The following RPH3A variants were observed in gnomAD, a reference collection of about 807,000 sequenced individuals.
RPH3A encodes rabphilin 3A.
A neutral mutation model predicts 102.2 loss-of-function variants in RPH3A; 48 were observed. The observed-to-expected ratio is 0.47, with a 90% confidence interval of 0.37 to 0.60. The LOEUF is 0.60. Among genes scored for constraint, RPH3A ranks in the 20% least tolerant of loss-of-function variants. RPH3A has a pLI of 0.00. For missense variants in RPH3A, 781 were observed against 910.1 expected (o/e 0.86, Z 1.83); for synonymous variants, 310 against 324.3 (o/e 0.96, Z 0.47).
chr12:112,682,879 A>C (rs900157888), intron 1 of RPH3A, among the ~76,000 whole-genome samples: 14 of 152,196 alleles, frequency 9.2e-5, no homozygotes, highest in African/African-American at 4.8e-5. Context: ...CACCTGCTTG[A>C]AATGCTGGTC....
At chr12:112,866,924 A>G (rs1362728720) in intron 7 of RPH3A, 84 bp downstream of exon 7, 5 of 990,200 alleles carry the variant, frequency 5.0e-6, no homozygotes, top group African/African-American at 3.2e-5. Context: ...TTTGTATGAA[A>G]GGACCCAGCT....
chr12:112,889,968 G>A (rs751724525), intron 17 of RPH3A, 56 bp from the exon 18 acceptor site: 45 of 1,526,654 alleles, frequency 2.9e-5, no homozygotes, highest in Non-Finnish European at 3.6e-5. Context: ...TCCTTCTTGC[G>A]CAGGAAGATG....
intron 1 of RPH3A, among the ~76,000 whole-genome samples, chr12:112,770,135 T>A (rs931840916): frequency 1.3e-5 from 2 of 152,222 alleles, no homozygotes; most frequent in Non-Finnish European, 2.9e-5. Context: ...AGATGTATCA[T>A]GACTTATTTA....
At chr12:112,659,371 T>G (rs959553879) in intron 1 of RPH3A, among the ~76,000 whole-genome samples, 9 of 152,218 alleles carry the variant, frequency 5.9e-5, no homozygotes, top group African/African-American at 2.2e-4. Flanking sequence ...ACCTTGACAC[T>G]TTTGAAGATT....
intron 1 of RPH3A, among the ~76,000 whole-genome samples, chr12:112,766,283 A>G (rs925458883): frequency 6.6e-5 from 10 of 152,210 alleles, no homozygotes; most frequent in Non-Finnish European, 1.2e-4. Context: ...GAACAGTAAT[A>G]GCACCTGCCT....
At chr12:112,621,500 C>T (rs1182236291) in intron 1 of RPH3A, among the ~76,000 whole-genome samples, 15 of 147,280 alleles carry the variant, frequency 1.0e-4, no homozygotes, top group Admixed American at 4.0e-4. Context: ...CTTTTCAGAC[C>T]GGCTTAAAAA....
chr12:112,585,031 C>A (rs1398052028), intron 1 of RPH3A, among the ~76,000 whole-genome samples: 2 of 152,092 alleles, frequency 1.3e-5, no homozygotes, highest in African/African-American at 4.8e-5. Flanking sequence ...CTCGAGAGCC[C>A]CTGGCAAACC....
chr12:112,681,177 C>A (rs556699210), intron 1 of RPH3A, among the ~76,000 whole-genome samples: 102 of 152,264 alleles, frequency 6.7e-4, no homozygotes, highest in Non-Finnish European at 1.2e-3. Context: ...AATGGCCAAG[C>A]CAGAATCCCC....
chr12:112,785,376 GT>G (rs1357013480), intron 1 of RPH3A, among the ~76,000 whole-genome samples: 3 of 152,138 alleles, frequency 2.0e-5, no homozygotes, highest in African/African-American at 7.2e-5. Flanking sequence ...ATGACATTAA[GT>G]CACTGCTGTA....
At chr12:112,596,626 T>C (rs2039518679) in intron 1 of RPH3A, among the ~76,000 whole-genome samples, 1 of 152,236 alleles carries the variant, frequency 6.6e-6, no homozygotes, top group Non-Finnish European at 1.5e-5. Context: ...TTAATAACTA[T>C]AGCTTTGAGT....
chr12:112,729,518 T>A (rs1183788719), intron 1 of RPH3A, among the ~76,000 whole-genome samples: 1 of 152,016 alleles, frequency 6.6e-6, no homozygotes, highest in African/African-American at 2.4e-5. Flanking sequence ...ATCGCAGGTG[T>A]CTTGTTTCTT....
intron 1 of RPH3A, among the ~76,000 whole-genome samples, chr12:112,605,954 C>A (rs1466560654): frequency 6.6e-6 from 1 of 152,198 alleles, no homozygotes; most frequent in African/African-American, 2.4e-5. Flanking sequence ...TCCTAACTCT[C>A]CAAGGTCATT....
chr12:112,668,435 G>C, intron 1 of RPH3A, among the ~76,000 whole-genome samples: 1 of 151,950 alleles, frequency 6.6e-6, no homozygotes, highest in East Asian at 1.9e-4. Flanking sequence ...TGATAAACTG[G>C]GTAAATAAAA....
chr12:112,802,026 T>G (rs756998041), intron 2 of RPH3A, among the ~76,000 whole-genome samples: 5 of 152,234 alleles, frequency 3.3e-5, no homozygotes, highest in Admixed American at 1.3e-4. Flanking sequence ...TCCATTTTTC[T>G]TATGTGAGTT....
intron 1 of RPH3A, among the ~76,000 whole-genome samples, chr12:112,747,808 A>G (rs1199887459): frequency 1.3e-5 from 2 of 152,220 alleles, no homozygotes; most frequent in African/African-American, 4.8e-5. Context: ...TTTTATGTGA[A>G]ACAGTCCAGG....
At chr12:112,719,337 A>G (rs1373257928) in intron 1 of RPH3A, among the ~76,000 whole-genome samples, 4 of 152,212 alleles carry the variant, frequency 2.6e-5, no homozygotes, top group African/African-American at 7.2e-5. Flanking sequence ...CATCCACCAG[A>G]GATTAATCCT....
Position 112,659,960 on chromosome 12 carries a change from G to A in RPH3A, c.-140+84641G>A, listed in dbSNP as rs545337308. 1.6e-4 allele frequency among the ~76,000 whole-genome samples: 25 copies of A among 152,288 alleles called. No individual in the cohort carries two copies. In the East Asian group the frequency reaches 3.5e-3, roughly 21 times the overall value. On this transcript the variant is annotated intron_variant, in intron 1 of 21. Coordinates refer to the RPH3A transcript ENST00000543106. ...CTCCAAAAAGCCCTGTCTCTTTTTA[G>A]TGGTGAATGGTTTTTAGAAGCTAGG... is the stretch of plus-strand genomic sequence containing the variant.
At chr12:112,671,870 T>TATCTAC (rs2040133411) in intron 1 of RPH3A, among the ~76,000 whole-genome samples, 1 of 147,616 alleles carries the variant, frequency 6.8e-6, no homozygotes, top group Admixed American at 6.8e-5. Flanking sequence ...TCTATCTATC[T>TATCTAC]ACACACACAC....
At chr12:112,861,057 AAG>A (rs1427130646) in intron 5 of RPH3A, among the ~76,000 whole-genome samples, 4 of 152,162 alleles carry the variant, frequency 2.6e-5, no homozygotes, top group African/African-American at 9.7e-5. Flanking sequence ...AAACAAACAA[AAG>A]AGATCAATGC....
Sources: gnomAD v4.1 joint callset for allele counts (sites outside exome capture counted in the v4.1 genomes callset) on GRCh38, gnomAD v4.1.1 for gene constraint, MANE v1.5 for transcripts, NCBI Gene and HGNC (gene_info 2026-07-23, HGNC 2026-07-21) for gene names.